The following KAZN variants were observed in gnomAD, a reference collection of about 807,000 sequenced individuals.
KAZN encodes the protein kazrin, periplakin interacting protein, also known as kazrin.
KAZN carries 40 observed loss-of-function variants against 87.4 expected under a neutral mutation model. The observed-to-expected ratio is 0.46, with a 90% CI of 0.36 to 0.60. The LOEUF (loss-of-function observed/expected upper bound fraction) is 0.60. Among genes scored for constraint, KAZN ranks in the 20% least tolerant of loss-of-function variants. The pLI is 0.00. For missense variants in KAZN, 898 were observed against 1,073.9 expected (o/e 0.84, Z 2.29); for synonymous variants, 466 against 458.3 (o/e 1.02, Z -0.22).
At chr1:14,055,377 T>C (rs1642504707) in intron 1 of KAZN, among the ~76,000 whole-genome samples, 1 of 152,242 alleles carries the variant, frequency 6.6e-6, no homozygotes, top group Non-Finnish European at 1.5e-5. Context: ...ACCCAGAGTC[T>C]GCACTGCATG....
At chr1:14,645,688 G>A (rs1391287303) in intron 1 of KAZN, among the ~76,000 whole-genome samples, 1 of 152,218 alleles carries the variant, frequency 6.6e-6, no homozygotes, top group African/African-American at 2.4e-5. Flanking sequence ...CATGTCGTCT[G>A]CCAACAGGGG....
chr1:14,484,892 A>G (rs1669265874), intron 2 of KAZN, among the ~76,000 whole-genome samples: 1 of 152,218 alleles, frequency 6.6e-6, no homozygotes, highest in Non-Finnish European at 1.5e-5. Context: ...TGCTTTGTCA[A>G]ACTTCTGTTT....
chr1:15,094,281 C>G lies in KAZN; in HGVS notation c.1324C>G (p.Pro442Ala). The part of the protein sequence containing the change: ...LQQVELVRTT[P>A]MSHWKAGTVQ... ...GCAGGTGGAGCTGGTGAGGACCACCCCTATGTCCCACTGGAAGGCGGGCAC... is the reference window on the plus strand; with the variant it reads ...GCAGGTGGAGCTGGTGAGGACCACCGCTATGTCCCACTGGAAGGCGGGCAC... Residue 442 changes from proline (P) to alanine (A), a missense_variant, in exon 9 of 15, where the codon CCT becomes GCT. Coordinates refer to ENST00000376030, the MANE Select transcript of KAZN (RefSeq NM_201628.3). The surrounding 1 kb of genome is among the most constrained non-coding windows in gnomAD (Gnocchi z 4.5). 2 of 1,613,970 alleles carry G rather than the reference C, an allele frequency of 1.2e-6. No individual in the cohort carries two copies. Among genetic ancestry groups the G allele is most frequent in the South Asian group, 2.2e-5 (2 of 91,078 alleles).
chr1:14,736,320 C>A (rs1383499696), intron 1 of KAZN, among the ~76,000 whole-genome samples: 1 of 126,248 alleles, frequency 7.9e-6, no homozygotes, highest in Non-Finnish European at 1.7e-5. Flanking sequence ...TTTTTTGAGA[C>A]GGAGTTTTGC....
At chr1:13,922,986 C>T (rs1441781120) in intron 1 of KAZN, among the ~76,000 whole-genome samples, 1 of 152,186 alleles carries the variant, frequency 6.6e-6, no homozygotes, top group Non-Finnish European at 1.5e-5. Context: ...AGAAGGACAG[C>T]TCAGGGGATG....
chr1:14,946,975 G>T (rs978115063), intron 1 of KAZN, among the ~76,000 whole-genome samples: 4 of 152,164 alleles, frequency 2.6e-5, no homozygotes, highest in Admixed American at 1.3e-4. Context: ...AGCTAGACAC[G>T]GGAGAACCTG....
chr1:14,672,990 A>G (rs573195217), intron 1 of KAZN, among the ~76,000 whole-genome samples: 2 of 152,358 alleles, frequency 1.3e-5, no homozygotes, highest in South Asian at 4.1e-4. Context: ...GAGGCCGAGA[A>G]CGTTTCTGGC....
intron 1 of KAZN, among the ~76,000 whole-genome samples, chr1:14,066,631 C>A (rs1394583691): frequency 6.6e-6 from 1 of 152,086 alleles, no homozygotes; most frequent in Non-Finnish European, 1.5e-5. Flanking sequence ...GTCCATTTGC[C>A]CTGAAGTTGC....
chr1:14,446,112 C>T (rs1002784579), intron 2 of KAZN, among the ~76,000 whole-genome samples: 7 of 152,242 alleles, frequency 4.6e-5, no homozygotes, highest in South Asian at 2.1e-4. Flanking sequence ...TGGAGGATTA[C>T]TTCAGCCCAG....
intron 1 of KAZN, among the ~76,000 whole-genome samples, chr1:14,149,277 AT>A (rs3033858): frequency 2.0e-4 from 28 of 141,934 alleles, no homozygotes; most frequent in East Asian, 2.1e-4. Context: ...AATTTTTTGT[AT>A]TTTTTTTTTT....
At chr1:14,708,303 A>G (rs1012432174) in intron 1 of KAZN, among the ~76,000 whole-genome samples, 1 of 152,218 alleles carries the variant, frequency 6.6e-6, no homozygotes, top group African/African-American at 2.4e-5. Context: ...TCCAGTAAGG[A>G]GAACTCAGAG....
chr1:15,048,423 T>C (rs541912605), intron 4 of KAZN, among the ~76,000 whole-genome samples: 1 of 85,898 alleles, frequency 1.2e-5, no homozygotes, highest in Admixed American at 1.2e-4. Context: ...TGTGTGTGTA[T>C]GTGTGTGTGT....
chr1:14,884,142 C>G (rs1345423778), intron 1 of KAZN, among the ~76,000 whole-genome samples: 3 of 152,068 alleles, frequency 2.0e-5, no homozygotes, highest in African/African-American at 7.2e-5. Flanking sequence ...ACCTGTAATC[C>G]CAGCACTTTG....
At chr1:14,271,754 C>T (rs889077880) in intron 2 of KAZN, among the ~76,000 whole-genome samples, 2 of 152,084 alleles carry the variant, frequency 1.3e-5, no homozygotes, top group East Asian at 1.9e-4. Context: ...ATTGGCCATC[C>T]CTGATTGGTT....
At chr1:14,172,794 C>T (rs1645983255) in intron 1 of KAZN, among the ~76,000 whole-genome samples, 1 of 152,180 alleles carries the variant, frequency 6.6e-6, no homozygotes, top group Admixed American at 6.5e-5. Flanking sequence ...CTATATTGCA[C>T]CTTCTGGGAT....
intron 1 of KAZN, among the ~76,000 whole-genome samples, chr1:14,637,633 T>G (rs573995648): frequency 3.7e-4 from 56 of 152,078 alleles, no homozygotes; most frequent in Admixed American, 3.3e-4. Context: ...AGTGTGTGTG[T>G]GGGGGCGGGT....
intron 2 of KAZN, among the ~76,000 whole-genome samples, chr1:14,555,935 G>A (rs796664193): frequency 6.6e-6 from 1 of 152,222 alleles, no homozygotes; most frequent in African/African-American, 2.4e-5. Flanking sequence ...GATTTAGGTG[G>A]CCTCTGAACA....
chr1:14,079,548 C>T (rs1184209557), intron 1 of KAZN, among the ~76,000 whole-genome samples: 2 of 152,124 alleles, frequency 1.3e-5, no homozygotes, highest in Admixed American at 1.3e-4. Flanking sequence ...ACATTTTCAG[C>T]GGCCGAGGAT....
chr1:15,037,136 A>G (rs1672422385), intron 3 of KAZN, among the ~76,000 whole-genome samples: 1 of 151,686 alleles, frequency 6.6e-6, no homozygotes, highest in Non-Finnish European at 1.5e-5. Flanking sequence ...TTCTCGGCCT[A>G]AGGAGCTTGG....
Sources: allele counts gnomAD v4.1 joint callset (sites outside exome capture counted in the v4.1 genomes callset), GRCh38; gene constraint gnomAD v4.1.1; non-coding constraint Gnocchi (gnomAD v3.1); transcripts MANE v1.5; gene names NCBI Gene and HGNC (gene_info 2026-07-23, HGNC 2026-07-21).